The following REV1 variants were observed in gnomAD, a reference collection of about 807,000 sequenced individuals.
REV1 encodes REV1 DNA directed polymerase.
In REV1, 42 loss-of-function variants were observed where a neutral mutation model predicts 137.4. The ratio of observed to expected loss-of-function variants is 0.31; its 90% confidence interval spans 0.24 to 0.40. REV1 has a LOEUF of 0.40. Ranked by LOEUF, REV1 falls within the 10% of genes least tolerant of loss-of-function variation. The pLI is 1.00. For missense variants in REV1, 1,282 were observed against 1,490.1 expected, an observed-to-expected ratio of 0.86 and a Z score of 2.30; for synonymous variants, 524 against 519.2, an observed-to-expected ratio of 1.01 and a Z score of -0.12.
intron 8 of REV1, among the ~76,000 whole-genome samples, chr2:99,431,187 T>C (rs1680072470): frequency 6.6e-6 from 1 of 152,234 alleles, no homozygotes; most frequent in Non-Finnish European, 1.5e-5. Context: ...CAAGCATTTC[T>C]GGATTTCGGC....
chr2:99,465,068 T>G, intron 1 of REV1, 83 bp from the exon 2 acceptor site: 1 of 1,190,500 alleles, frequency 8.4e-7, no homozygotes, highest in Admixed American at 2.0e-5. Flanking sequence ...ATCAAGAAAA[T>G]GAGAAATTAA....
At chr2:99,466,569 A>T (rs1416285366) in intron 1 of REV1, among the ~76,000 whole-genome samples, 1 of 152,172 alleles carries the variant, frequency 6.6e-6, no homozygotes, top group African/African-American at 2.4e-5. Context: ...GAATATTTTT[A>T]TTCTTAGTAT....
At chr2:99,473,223 C>T (rs1685603318) in intron 1 of REV1, among the ~76,000 whole-genome samples, 1 of 152,058 alleles carries the variant, frequency 6.6e-6, no homozygotes, top group Non-Finnish European at 1.5e-5. Flanking sequence ...AAAATATTAG[C>T]TGGGAGTGGT....
chr2:99,410,079 C>T (rs531728672), intron 14 of REV1, among the ~76,000 whole-genome samples: 2 of 152,158 alleles, frequency 1.3e-5, no homozygotes, highest in African/African-American at 2.4e-5. Context: ...GGCGCGATCT[C>T]AGCTCACTGC....
chr2:99,483,067 A>G (rs956955312), intron 1 of REV1, among the ~76,000 whole-genome samples: 2 of 152,082 alleles, frequency 1.3e-5, no homozygotes, highest in East Asian at 3.8e-4. Context: ...AAGATATTGA[A>G]GAAGAAATTG....
intron 2 of REV1, among the ~76,000 whole-genome samples, chr2:99,463,155 ATCAAC>A (rs1033864064): frequency 6.6e-6 from 1 of 152,114 alleles, no homozygotes; most frequent in Non-Finnish European, 1.5e-5. Flanking sequence ...TTTTCCCTCT[ATCAAC>A]TCAAGTTTTA....
chr2:99,404,353 AGAG>A (rs1217116532), intron 18 of REV1, 88 bp downstream of exon 18: 1 of 971,520 alleles, frequency 1.0e-6, no homozygotes, highest in Non-Finnish European at 1.6e-6. Context: ...TGTCAGATAC[AGAG>A]GAGAAAGGGA....
intron 1 of REV1, among the ~76,000 whole-genome samples, chr2:99,486,328 C>G (rs7560795): frequency 0.61 from 92,240 of 151,834 alleles, 28,731 homozygotes; most frequent in African/African-American, 0.72. Context: ...AGGAGACCGA[C>G]ACCATCCTGG....
At chr2:99,413,090 C>T in intron 12 of REV1, 139 bp from the exon 13 acceptor site, 4 of 663,312 alleles carry the variant, frequency 6.0e-6, no homozygotes, top group Non-Finnish European at 2.5e-6. Context: ...ACTGAAGCAT[C>T]CACAGGCTGA....
chr2:99,488,177 T>G (rs1687308817), intron 1 of REV1, among the ~76,000 whole-genome samples: 1 of 119,138 alleles, frequency 8.4e-6, no homozygotes, highest in East Asian at 2.2e-4. Flanking sequence ...TGCAACTTCT[T>G]ATGAATAATG....
intron 3 of REV1, among the ~76,000 whole-genome samples, chr2:99,456,291 T>G (rs541787924): frequency 1.3e-5 from 2 of 152,358 alleles, no homozygotes; most frequent in East Asian, 3.9e-4. Context: ...ACTGGAGATA[T>G]GGCAATGAAC....
chr2:99,478,461 T>C (rs1686228944), intron 1 of REV1, among the ~76,000 whole-genome samples: 2 of 152,136 alleles, frequency 1.3e-5, no homozygotes, highest in South Asian at 4.1e-4. Context: ...AAGAATGTTC[T>C]AGAGATGACA....
intron 1 of REV1, among the ~76,000 whole-genome samples, chr2:99,479,576 G>A (rs1377792267): frequency 6.6e-6 from 1 of 151,864 alleles, no homozygotes; most frequent in Non-Finnish European, 1.5e-5. Context: ...AAGGTGGGAA[G>A]ATCTCTTGCG....
Position 99,438,781 on chromosome 2 carries a change from C to T in REV1, c.1033G>A (p.Asp345Asn). ...TAGAAGTTTGAAATAAAATTGCAGT[C>T]TGAAGGTTTGGATGGCACTGAAGGT... ...AAPSVPSKPSDCNFISNFYSH... is the reference protein window; with the variant it reads ...AAPSVPSKPSNCNFISNFYSH... Residue 345 changes from aspartate (D) to asparagine (N), a missense_variant, in exon 6 of 23, where the codon GAC (aspartate) becomes AAC (asparagine). This residue lies in a region of REV1 where 432 missense variants were observed against 438.0 expected (regional missense o/e 0.99). Transcript: ENST00000258428. 1 of 1,614,180 alleles carries T rather than the reference C, an allele frequency of 6.2e-7. No homozygotes were observed. The highest frequency in any genetic ancestry group is 1.1e-5 in the South Asian group (1 of 91,074).
rs41280589 is a variant in REV1, at chr2:99,402,793, A to T, written c.3392T>A (p.Leu1131His). The change falls in exon 21 of 23, where the codon CTC becomes CAC. Residue 1131 changes from leucine to histidine, a missense_variant. Physicochemically the swap from Leu to His is moderately conservative, Grantham distance 99 (BLOSUM62 -3). Coordinates refer to ENST00000258428, the MANE Select transcript of REV1 (RefSeq NM_016316.4). ...TGGCACACCTGAAGTAGAAGCAGAG[A>T]GTTCTTCCTGTTAAGAAAACAAAGG... is the stretch of plus-strand genomic sequence containing the variant. ...GPPAEKPLEE[L>H]SASTSGVPGL... 11,423 of 1,614,154 alleles carry T rather than the reference A, an allele frequency of 7.1e-3. 53 individuals are homozygous for T. The highest frequency in any genetic ancestry group is 8.1e-3 in the Non-Finnish European group (9,573 of 1,180,010).
chr2:99,404,397 G>A (rs778652228), intron 18 of REV1, 47 bp downstream of exon 18: 16 of 1,491,804 alleles, frequency 1.1e-5, no homozygotes, highest in African/African-American at 1.4e-5. Flanking sequence ...GGAGCAGGGG[G>A]GTGAGAATAT....
chr2:99,415,412 A>C (rs1399473299), intron 12 of REV1, among the ~76,000 whole-genome samples: 1 of 152,312 alleles, frequency 6.6e-6, no homozygotes, highest in Middle Eastern at 3.4e-3. Context: ...CCCTAGGTTA[A>C]AAGTGGCCAA....
chr2:99,406,202 T>A (rs1676273579), intron 16 of REV1, 96 bp from the exon 17 acceptor site: 2 of 1,387,008 alleles, frequency 1.4e-6, no homozygotes, highest in Non-Finnish European at 1.9e-6. Context: ...TATTACTGAT[T>A]CATCATAATG....
intron 12 of REV1, among the ~76,000 whole-genome samples, chr2:99,416,912 C>CAAAAAAAAAAAAA (rs755184253): frequency 1.8e-4 from 14 of 77,832 alleles, no homozygotes; most frequent in Admixed American, 4.0e-4. Context: ...GACTCCATCT[C>CAAAAAAAAAAAAA]AAAAAAAAAA....
Sources: allele counts gnomAD v4.1 joint callset (sites outside exome capture counted in the v4.1 genomes callset), GRCh38; gene constraint gnomAD v4.1.1; regional missense constraint gnomAD v4.1.1; transcripts MANE v1.5; gene names NCBI Gene and HGNC (gene_info 2026-07-23, HGNC 2026-07-21).